Variants in SHANK2 observed in about 807,000 individuals in gnomAD.
SHANK2 encodes the protein SH3 and multiple ankyrin repeat domains 2.
A neutral mutation model predicts 133.7 loss-of-function variants in SHANK2; 43 were observed. That is an observed-to-expected ratio of 0.32 (90% CI 0.25 to 0.41). SHANK2 has a LOEUF of 0.41. SHANK2 is among the 10% of genes least tolerant of loss of function. SHANK2 has a pLI of 1.00. For synonymous variants in SHANK2, 1,017 were observed against 952.8 expected, an observed-to-expected ratio of 1.07 and a Z score of -1.24; for missense variants, 1,994 against 2,235.8, an observed-to-expected ratio of 0.89 and a Z score of 2.18.
At chr11:71,210,210 G>GTA (rs71049962) in intron 2 of SHANK2, among the ~76,000 whole-genome samples, 2,137 of 53,338 alleles carry the variant, frequency 0.04, 59 homozygotes, top group Non-Finnish European at 0.048. Context: ...AAATCCACAG[G>GTA]TATATATATA....
chr11:70,507,175 C>T (rs1554968556), intron 17 of SHANK2, among the ~76,000 whole-genome samples: 1 of 152,218 alleles, frequency 6.6e-6, no homozygotes, highest in African/African-American at 2.4e-5. Context: ...CCGCCCGCCC[C>T]AGCCTCCTGG....
At chr11:70,578,238 A>G (rs1262546130) in intron 17 of SHANK2, among the ~76,000 whole-genome samples, 1 of 148,488 alleles carries the variant, frequency 6.7e-6, no homozygotes, top group Non-Finnish European at 1.5e-5. Flanking sequence ...TCCCGGCAGG[A>G]TGCCTGCAGG....
chr11:70,749,535 C>T lies in SHANK2; in HGVS notation c.1777+48908G>A, dbSNP rs1946713612. On this transcript the variant is annotated intron_variant, in intron 14 of 25. Transcript: ENST00000601538. ...ATCCAAAATTCCTGGGAAAATATGA[C>T]CCCATTCTCAAGAGAAAAGACAAGA... Among the ~76,000 whole-genome samples the T allele has an allele frequency of 2.0e-5, 3 of 152,160 alleles. No homozygotes were observed. In the South Asian group the frequency reaches 6.2e-4, roughly 32 times the overall value.
chr11:70,542,011 G>A lies in SHANK2; in HGVS notation c.2062-39080C>T, dbSNP rs908132503. Among the ~76,000 whole-genome samples the A allele has an allele frequency of 8.5e-5, 13 of 152,314 alleles. No individual in the cohort carries two copies. The East Asian group carries it at 1.3e-3, about 16-fold the overall frequency. ...AGGGGGTTTACTGCCCAGGATCCACGCTACTCCTCTGTGCACGGGCCACTG... is the reference window on the plus strand; with the variant it reads ...AGGGGGTTTACTGCCCAGGATCCACACTACTCCTCTGTGCACGGGCCACTG... On this transcript the variant is annotated intron_variant, in intron 17 of 25. Coordinates refer to ENST00000601538, the MANE Select transcript of SHANK2 (RefSeq NM_012309.5).
At chr11:71,122,154 C>A (rs1394811165) in intron 3 of SHANK2, among the ~76,000 whole-genome samples, 10 of 152,090 alleles carry the variant, frequency 6.6e-5, no homozygotes, top group African/African-American at 2.4e-4. Flanking sequence ...GGGTATATAC[C>A]CAAAGGATTA....
intron 14 of SHANK2, among the ~76,000 whole-genome samples, chr11:70,769,494 G>C (rs1183200326): frequency 6.6e-6 from 1 of 152,198 alleles, no homozygotes; most frequent in Non-Finnish European, 1.5e-5. Context: ...CAACGCTGGA[G>C]CTGCAGGGTG....
At position 70,867,255 on chromosome 11, in the gene SHANK2, G is replaced by T. The variant is rs544241978; in HGVS notation, c.1174+29246C>A. Among the ~76,000 whole-genome samples the T allele has an allele frequency of 1.8e-4, 28 of 152,328 alleles. 1 individual carries two copies. Among genetic ancestry groups the T allele is most frequent in the African/African-American group, 6.3e-4 (26 of 41,568 alleles). Reference sequence around the variant, plus strand: ...CTATCCGGGTAGGGGTAGGTGGAGGGTGCTGGTGGAAGGACGCTCTTGTCC... The same window carrying T: ...CTATCCGGGTAGGGGTAGGTGGAGGTTGCTGGTGGAAGGACGCTCTTGTCC... On this transcript the variant is annotated intron_variant, in intron 11 of 25. Transcript: ENST00000601538.
intron 6 of SHANK2, among the ~76,000 whole-genome samples, chr11:71,105,849 G>A (rs1267768856): frequency 6.6e-6 from 1 of 152,084 alleles, no homozygotes; most frequent in South Asian, 2.1e-4. Flanking sequence ...ATCACTACTG[G>A]GTACAGCACC....
rs1293806174 is a variant in SHANK2 at position 70,479,943 on chromosome 11, T to C, written c.4979+5371A>G. Among the ~76,000 whole-genome samples the C allele has an allele frequency of 6.6e-6, 1 of 152,022 alleles. No individual in the cohort carries two copies. The highest frequency in any genetic ancestry group is 1.5e-5 in the Non-Finnish European group (1 of 67,996). ...TAGGCACTTAGCCCTTGAGTCTCCC[T>C]GCTTGTCTCCAGAATGCAGGCCCTA... On this transcript the variant is annotated intron_variant, in intron 25 of 25. Transcript: ENST00000601538. The surrounding 1 kb of genome is among the most constrained non-coding windows in gnomAD (Gnocchi z 4.4).
At chr11:70,669,588 G>C (rs1434749534) in intron 15 of SHANK2, 1 of 152,626 alleles carries the variant, frequency 6.6e-6, no homozygotes, top group African/African-American at 2.4e-5. Flanking sequence ...AGGCCCTACA[G>C]GTCCAGACTC....
At chr11:70,800,874 A>T (rs535829316) in intron 13 of SHANK2, among the ~76,000 whole-genome samples, 96 of 151,446 alleles carry the variant, frequency 6.3e-4, no homozygotes, top group Admixed American at 1.8e-3. Flanking sequence ...AGATACCCAC[A>T]CTCTCCTTCC....
At chr11:70,796,126 G>A (rs749767335) in intron 14 of SHANK2, among the ~76,000 whole-genome samples, 1 of 152,092 alleles carries the variant, frequency 6.6e-6, no homozygotes. Context: ...ACTCCACCTC[G>A]CCCACCTGCC....
intron 10 of SHANK2, among the ~76,000 whole-genome samples, chr11:70,900,795 C>A (rs75407769): frequency 0.023 from 3,569 of 152,240 alleles, 135 homozygotes; most frequent in African/African-American, 0.082. Flanking sequence ...CTTGGCTTAT[C>A]ATGGGTTCCC....
intron 14 of SHANK2, among the ~76,000 whole-genome samples, chr11:70,737,678 G>A (rs1476554316): frequency 2.0e-5 from 3 of 152,090 alleles, no homozygotes; most frequent in Non-Finnish European, 2.9e-5. Flanking sequence ...AGTATAGGAC[G>A]GGCAGCCCGG....
chr11:70,873,086 G>A (rs1035676284), intron 11 of SHANK2: 3 of 471,242 alleles, frequency 6.4e-6, no homozygotes, highest in Admixed American at 2.3e-5. Flanking sequence ...CCTCAGGAAG[G>A]TGAAACCTGC....
intron 1 of SHANK2, among the ~76,000 whole-genome samples, chr11:71,250,268 A>C (rs1948157435): frequency 6.6e-6 from 1 of 152,172 alleles, no homozygotes; most frequent in African/African-American, 2.4e-5. Flanking sequence ...GGACCCAAAG[A>C]AGCACCAAGC....
chr11:70,607,805 C>T (rs577426737), intron 17 of SHANK2, among the ~76,000 whole-genome samples: 8 of 152,328 alleles, frequency 5.3e-5, no homozygotes, highest in Admixed American at 2.6e-4. Flanking sequence ...TGGCCAGTTC[C>T]GAGAGTTGGG....
chr11:70,834,645 A>G (rs1948779560), intron 11 of SHANK2, among the ~76,000 whole-genome samples: 1 of 152,250 alleles, frequency 6.6e-6, no homozygotes, highest in Non-Finnish European at 1.5e-5. Context: ...ACATTTCTCC[A>G]TCTCACAATA....
chr11:71,097,672 G>A (rs1293129194), intron 6 of SHANK2, among the ~76,000 whole-genome samples: 6 of 152,280 alleles, frequency 3.9e-5, no homozygotes, highest in Non-Finnish European at 8.8e-5. Context: ...GAGAAGCGGG[G>A]GCTCCCGGAA....
Sources: allele counts gnomAD v4.1 joint callset (sites outside exome capture counted in the v4.1 genomes callset), GRCh38; gene constraint gnomAD v4.1.1; non-coding constraint Gnocchi (gnomAD v3.1); transcripts MANE v1.5; gene names NCBI Gene and HGNC (gene_info 2026-07-23, HGNC 2026-07-21).